The following PTPRD variants were observed in gnomAD, a reference collection of about 807,000 sequenced individuals.
PTPRD encodes the protein protein tyrosine phosphatase receptor type D.
Under a neutral mutation model 214.5 loss-of-function variants are expected in PTPRD, and 34 were observed. The observed-to-expected ratio is 0.16, with a 90% confidence interval of 0.12 to 0.21. The LOEUF (loss-of-function observed/expected upper bound fraction) is 0.21, where lower values mean the gene tolerates loss of function less well. PTPRD is among the 10% of genes least tolerant of loss of function. The pLI is 1.00. For missense variants in PTPRD, 2,545 were observed against 2,398.7 expected, an observed-to-expected ratio of 1.06 and a Z score of -1.27; for synonymous variants, 1,128 against 845.7, an observed-to-expected ratio of 1.33 and a Z score of -5.79.
At chr9:9,842,610 A>T (rs2058600643) in intron 5 of PTPRD, among the ~76,000 whole-genome samples, 1 of 151,970 alleles carries the variant, frequency 6.6e-6, no homozygotes, top group Non-Finnish European at 1.5e-5. Context: ...TCTGATTATG[A>T]AGAAAACTGT....
chr9:8,642,313 A>T (rs2096593812), intron 12 of PTPRD, among the ~76,000 whole-genome samples: 1 of 152,238 alleles, frequency 6.6e-6, no homozygotes. Context: ...ACAGCATGTA[A>T]CGAATTGGCT....
Position 9,280,906 on chromosome 9 carries a change from T to C in PTPRD, c.-202-97543A>G, listed in dbSNP as rs150292311. On this transcript the variant is annotated intron_variant, in intron 9 of 45. Coordinates refer to ENST00000381196, the MANE Select transcript of PTPRD (RefSeq NM_002839.4). Reference sequence around the variant, plus strand: ...GCTAGTTATCAAGACAGTGTAGCTATTGGCAAAATGACAGACAAATAGATC... The same window carrying C: ...GCTAGTTATCAAGACAGTGTAGCTACTGGCAAAATGACAGACAAATAGATC... 4.4e-3 allele frequency among the ~76,000 whole-genome samples: 663 copies of C among 151,248 alleles called. 3 individuals are homozygous for C. The highest frequency in any genetic ancestry group is 0.015 in the African/African-American group (632 of 41,400).
rs888949382 is a variant in PTPRD, at chr9:8,410,805, A to G, written c.4087-6145T>C. Among the ~76,000 whole-genome samples the G allele has an allele frequency of 2.6e-5, 4 of 152,172 alleles. No individual in the cohort carries two copies. The South Asian group carries it at 8.3e-4, about 32-fold the overall frequency. On this transcript the variant is annotated intron_variant, in intron 35 of 45. Coordinates refer to ENST00000381196, the MANE Select transcript of PTPRD (RefSeq NM_002839.4). ...TTTGACTCTAACATACTATATAACA[A>G]ATACGTATAGAAAATTACTTAAAGT...
At chr9:10,497,738 A>G (rs910098418) in intron 2 of PTPRD, among the ~76,000 whole-genome samples, 2 of 152,044 alleles carry the variant, frequency 1.3e-5, no homozygotes, top group Non-Finnish European at 2.9e-5. Flanking sequence ...ATGTGTGTAT[A>G]TACTTAACTA....
rs1395431811 is a variant in PTPRD at position 10,523,614 on chromosome 9, T to TAGAGAGAGAGAGAGAGAG, written c.-600+88783_-600+88784insCTCTCTCTCTCTCTCTCT. ...GTATATTTATCTGTATATATATATA[T>TAGAGAGAGAGAGAGAGAG]ATATATATAGACAGAAAGAAAGGGA... On this transcript the variant is annotated intron_variant, in intron 2 of 45. Coordinates refer to ENST00000381196, the MANE Select transcript of PTPRD (RefSeq NM_002839.4). Among the ~76,000 whole-genome samples the TAGAGAGAGAGAGAGAGAG allele has an allele frequency of 7.1e-4, 69 of 97,010 alleles. 3 individuals carry two copies. Among genetic ancestry groups the TAGAGAGAGAGAGAGAGAG allele is most frequent in the Middle Eastern group, 5.5e-3 (1 of 182 alleles). The allele number at this position is 97,010 out of a possible 152,430, so 63.6% of individuals were successfully genotyped here.
intron 11 of PTPRD, among the ~76,000 whole-genome samples, chr9:8,874,682 A>G (rs1010195505): frequency 9.2e-5 from 14 of 152,210 alleles, no homozygotes; most frequent in Admixed American, 7.9e-4. Context: ...TAATTCTGTT[A>G]ATAGCTGCAT....
chr9:8,446,801 T>G (rs999674251), intron 34 of PTPRD, among the ~76,000 whole-genome samples: 1 of 152,188 alleles, frequency 6.6e-6, no homozygotes, highest in African/African-American at 2.4e-5. Context: ...AAGGATTATT[T>G]TATTTCATTA....
intron 9 of PTPRD, among the ~76,000 whole-genome samples, chr9:9,322,137 C>T (rs1253286426): frequency 1.3e-5 from 2 of 152,148 alleles, no homozygotes; most frequent in Non-Finnish European, 2.9e-5. Context: ...AATGGACATG[C>T]TTTTGAGTTA....
intron 3 of PTPRD, among the ~76,000 whole-genome samples, chr9:10,082,158 G>C (rs2098249437): frequency 6.6e-6 from 1 of 152,036 alleles, no homozygotes; most frequent in African/African-American, 2.4e-5. Flanking sequence ...GATCTTCTAA[G>C]CAATTTCACA....
intron 8 of PTPRD, among the ~76,000 whole-genome samples, chr9:9,526,609 T>C (rs2074182910): frequency 6.6e-6 from 1 of 152,158 alleles, no homozygotes; most frequent in African/African-American, 2.4e-5. Context: ...GTCCTGTAAT[T>C]GGACATAACT....
chr9:9,582,835 C>G (rs1484632868), intron 7 of PTPRD, among the ~76,000 whole-genome samples: 2 of 151,858 alleles, frequency 1.3e-5, no homozygotes, highest in African/African-American at 4.8e-5. Flanking sequence ...TAAGAAAAAA[C>G]TATAATCTTT....
At chr9:9,610,312 T>A (rs551113144) in intron 7 of PTPRD, among the ~76,000 whole-genome samples, 1 of 152,326 alleles carries the variant, frequency 6.6e-6, no homozygotes, top group Non-Finnish European at 1.5e-5. Context: ...CAAGATTTAG[T>A]TAAATAACAA....
chr9:8,369,547 G>T (rs1254627165), intron 39 of PTPRD, among the ~76,000 whole-genome samples: 2 of 151,144 alleles, frequency 1.3e-5, no homozygotes, highest in African/African-American at 4.8e-5. Context: ...ATTCCTTCCA[G>T]TTCTGAAGAG....
intron 4 of PTPRD, among the ~76,000 whole-genome samples, chr9:10,019,514 C>G (rs140377901): frequency 0.021 from 3,164 of 152,174 alleles, 36 homozygotes; most frequent in Admixed American, 0.031. Flanking sequence ...ATAGCAAAGA[C>G]TTGGAACCAA....
chr9:9,889,676 G>C (rs1356310510), intron 5 of PTPRD, among the ~76,000 whole-genome samples: 1 of 152,106 alleles, frequency 6.6e-6, no homozygotes, highest in Non-Finnish European at 1.5e-5. Context: ...CTCCTTTGCT[G>C]TCTGGCACTA....
rs201801408 is a variant in PTPRD at position 8,510,628 on chromosome 9, A to G, written c.1544-3194T>C. Among the ~76,000 whole-genome samples, 10 of 152,306 alleles carry G rather than the reference A, an allele frequency of 6.6e-5. No individual in the cohort carries two copies. In the East Asian group the frequency reaches 1.5e-3, roughly 24 times the overall value. ...CAAAATGTGTCTACAGGCTAGATTC[A>G]GCATATGGGCCATGAAATAAACTTT... is the stretch of plus-strand genomic sequence containing the variant. On this transcript the variant is annotated intron_variant, in intron 21 of 45. Coordinates refer to ENST00000381196, the MANE Select transcript of PTPRD (RefSeq NM_002839.4).
At chr9:8,425,085 A>G (rs1459945120) in intron 35 of PTPRD, among the ~76,000 whole-genome samples, 1 of 152,198 alleles carries the variant, frequency 6.6e-6, no homozygotes, top group Non-Finnish European at 1.5e-5. Context: ...GTTTAGCCAC[A>G]GTAGAAAAAC....
rs539255530 is a variant in PTPRD at position 8,489,054 on chromosome 9, C to A, written c.2468-2705G>T. On this transcript the variant is annotated intron_variant, in intron 27 of 45. Coordinates refer to ENST00000381196, the MANE Select transcript of PTPRD (RefSeq NM_002839.4). Reference sequence around the variant, plus strand: ...AATAAAAATAATTTTTTGATCTAAACCACAAATAGAGACTGCATTCTAATA... The same window carrying A: ...AATAAAAATAATTTTTTGATCTAAAACACAAATAGAGACTGCATTCTAATA... Among the ~76,000 whole-genome samples, 239 of 152,240 alleles carry A rather than the reference C, an allele frequency of 1.6e-3. 1 individual carries two copies. Among genetic ancestry groups the A allele is most frequent in the Non-Finnish European group, 2.7e-3 (183 of 68,016 alleles).
At chr9:10,490,103 G>A (rs1212468487) in intron 2 of PTPRD, among the ~76,000 whole-genome samples, 1 of 152,152 alleles carries the variant, frequency 6.6e-6, no homozygotes, top group African/African-American at 2.4e-5. Flanking sequence ...CTAGATCTCA[G>A]TAGTCAATTT....
Sources: gnomAD v4.1 joint callset for allele counts (sites outside exome capture counted in the v4.1 genomes callset) on GRCh38, gnomAD v4.1.1 for gene constraint, MANE v1.5 for transcripts, NCBI Gene and HGNC (gene_info 2026-07-23, HGNC 2026-07-21) for gene names.